The following UTP18 variants were observed in gnomAD, a reference collection of about 807,000 sequenced individuals.
UTP18 encodes the protein UTP18 small subunit processome component, also known as U3 small nucleolar RNA-associated protein 18 homolog.
Under a neutral mutation model 61.1 loss-of-function variants are expected in UTP18, and 36 were observed. The ratio of observed to expected loss-of-function variants is 0.59; its 90% CI spans 0.45 to 0.78. The LOEUF is 0.78. Among genes scored for constraint, UTP18 ranks in the 30% least tolerant of loss-of-function variants. UTP18 has a pLI of 0.00. For missense variants in UTP18, 753 were observed against 693.9 expected (o/e 1.09, Z -0.96); for synonymous variants, 282 against 251.1 (o/e 1.12, Z -1.16).
At chr17:51,272,681 T>G (rs1412005657) in intron 4 of UTP18, among the ~76,000 whole-genome samples, 1 of 152,242 alleles carries the variant, frequency 6.6e-6, no homozygotes, top group Non-Finnish European at 1.5e-5. Context: ...ATTTCAGTTT[T>G]GGGAAGATTT....
At chr17:51,262,493 T>C (rs1480512176) in intron 1 of UTP18, among the ~76,000 whole-genome samples, 1 of 152,214 alleles carries the variant, frequency 6.6e-6, no homozygotes, top group African/African-American at 2.4e-5. Context: ...TCTAACTTTG[T>C]CACCCAGACT....
chr17:51,286,686 G>A (rs192206088), intron 10 of UTP18: 1 of 394,762 alleles, frequency 2.5e-6, no homozygotes, highest in East Asian at 7.3e-5. Flanking sequence ...TGCCAACCCT[G>A]TAGCGAGGGA....
At chr17:51,264,926 G>C (rs973645640) in intron 2 of UTP18, among the ~76,000 whole-genome samples, 1 of 152,036 alleles carries the variant, frequency 6.6e-6, no homozygotes, top group African/African-American at 2.4e-5. Context: ...CAAGTGACCT[G>C]TTTGCCTCGG....
At chr17:51,265,720 C>T (rs576534918) in intron 2 of UTP18, among the ~76,000 whole-genome samples, 14 of 151,820 alleles carry the variant, frequency 9.2e-5, no homozygotes, top group Middle Eastern at 6.9e-3. Flanking sequence ...TGTGCCACCC[C>T]GCCCAGCTAA....
Position 51,288,074 on chromosome 17 carries a change from C to G in UTP18, c.1374C>G (p.Leu458=). 1 of 1,605,660 alleles carries G rather than the reference C, an allele frequency of 6.2e-7. No individual in the cohort carries two copies. The highest frequency in any genetic ancestry group is 1.1e-5 in the South Asian group (1 of 88,660). Residue 458 remains leucine, a synonymous_variant, in exon 11 of 14, where the codon CTC becomes CTG. Transcript: ENST00000225298. ...ATATATACAATCAAGATTCTTGTCT[C>G]CAAGAAACAAACCCAAAGCCAATAA... is the stretch of plus-strand genomic sequence containing the variant. ...VVNIYNQDSC[L]QETNPKPIKA...
intron 4 of UTP18, 66 bp from the exon 5 acceptor site, chr17:51,273,296 T>A: frequency 8.4e-7 from 1 of 1,189,388 alleles, no homozygotes; most frequent in Non-Finnish European, 1.2e-6. Flanking sequence ...TCATAGAAGT[T>A]TGGGGTAGGT....
rs545022503 is a variant in UTP18 at position 51,279,042 on chromosome 17, A to AT, written c.1013-958dup. Among the ~76,000 whole-genome samples, 6 of 152,312 alleles carry AT rather than the reference A, an allele frequency of 3.9e-5. No homozygotes were observed. The East Asian group carries it at 9.6e-4, about 24-fold the overall frequency. On this transcript the variant is annotated intron_variant, in intron 7 of 13. Transcript: ENST00000225298. ...TAGTGGAACAAGGGTCCTTAACCAG[A>AT]TTTTTGTAACTCCTTTTTCTCTAAT...
chr17:51,279,349 G>C (rs1904835250), intron 7 of UTP18, among the ~76,000 whole-genome samples: 1 of 152,108 alleles, frequency 6.6e-6, no homozygotes, highest in Non-Finnish European at 1.5e-5. Flanking sequence ...GAACCTTTCA[G>C]TCATGGAAAA....
chr17:51,261,224 T>C (rs1398789587), intron 1 of UTP18, among the ~76,000 whole-genome samples: 2 of 152,236 alleles, frequency 1.3e-5, no homozygotes, highest in Non-Finnish European at 2.9e-5. Flanking sequence ...TCGACTCCGC[T>C]AGCCTCTTCC....
intron 8 of UTP18, 120 bp from the exon 9 acceptor site, chr17:51,280,269 C>T (rs1597848991): frequency 7.6e-7 from 1 of 1,320,410 alleles, no homozygotes; most frequent in East Asian, 2.5e-5. Flanking sequence ...CTTTTGATTA[C>T]AGGGAAAAAT....
chr17:51,297,755 A>G (rs973563547), intron 13 of UTP18, 27 bp from the exon 14 acceptor site: 6 of 437,438 alleles, frequency 1.4e-5, no homozygotes, highest in East Asian at 7.9e-5. Context: ...TAAATCAGGT[A>G]TGTAATTTCT....
At chr17:51,281,510 AC>A (rs1172201859) in intron 9 of UTP18, among the ~76,000 whole-genome samples, 3 of 152,118 alleles carry the variant, frequency 2.0e-5, no homozygotes, top group Non-Finnish European at 4.4e-5. Flanking sequence ...ATTTATATTA[AC>A]ATTCTTGAAA....
In UTP18 at chr17:51,297,933, A is replaced by G. The variant is rs1905413032; in HGVS notation, c.*166A>G. ...AACATGTGGCAGCTTTTGTTTGAAA[A>G]TAAGTGTATCTGGTTCTTCCCTCCA... On this transcript the variant is annotated 3_prime_UTR_variant, in exon 14 of 14. Coordinates refer to ENST00000225298, the MANE Select transcript of UTP18 (RefSeq NM_016001.3). 3.3e-6 allele frequency: 1 copy of G among 298,868 alleles called. No individual in the cohort carries two copies. The highest frequency in any genetic ancestry group is 6.3e-6 in the Non-Finnish European group (1 of 159,392). 18.5% of individuals were successfully genotyped at this position (298,868 alleles called of 1,614,324 possible). A position where few individuals can be genotyped will look rare whatever the true frequency, so the allele number is the denominator to read the frequency against.
chr17:51,263,645 G>A (rs1485303126), intron 2 of UTP18, among the ~76,000 whole-genome samples: 1 of 152,112 alleles, frequency 6.6e-6, no homozygotes, highest in Non-Finnish European at 1.5e-5. Context: ...GTCAGATCTC[G>A]ATTTGCCTCC....
At chr17:51,280,252 G>A in intron 8 of UTP18, 137 bp from the exon 9 acceptor site, 1 of 1,290,278 alleles carries the variant, frequency 7.8e-7, no homozygotes, top group South Asian at 1.4e-5. Context: ...GGGCAGTTGG[G>A]GGAGAGCTTT....
At position 51,280,471 on chromosome 17, in the gene UTP18, C is replaced by T; in HGVS notation, c.1196C>T (p.Ala399Val). 2 of 1,613,894 alleles carry T rather than the reference C, an allele frequency of 1.2e-6. No individual in the cohort carries two copies. The highest frequency in any genetic ancestry group is 1.3e-5 in the African/African-American group (1 of 75,036). Residue 399 changes from alanine to valine, a missense_variant, in exon 9 of 14, where the codon GCC (alanine) becomes GTC (valine). Physicochemically the swap from Ala to Val is moderately conservative, Grantham distance 64 (BLOSUM62 0). Coordinates refer to ENST00000225298, the MANE Select transcript of UTP18 (RefSeq NM_016001.3). ...TCTTCAGATAGTAAGAAAGTATACGCCTCTTCGGGTAAGACAACGACATGA... is the reference window on the plus strand; with the variant it reads ...TCTTCAGATAGTAAGAAAGTATACGTCTCTTCGGGTAAGACAACGACATGA... ...TFSSDSKKVY[A>V]SSGDGEVYVW...
At chr17:51,275,244 T>C (rs1219091561) in intron 5 of UTP18, among the ~76,000 whole-genome samples, 1 of 147,668 alleles carries the variant, frequency 6.8e-6, no homozygotes, top group African/African-American at 2.5e-5. Context: ...TTTAACTTGG[T>C]GGTTACAAAC....
intron 4 of UTP18, among the ~76,000 whole-genome samples, chr17:51,269,507 C>T (rs1018418836): frequency 5.3e-5 from 8 of 151,796 alleles, no homozygotes; most frequent in African/African-American, 1.2e-4. Flanking sequence ...CCTGAGAGTC[C>T]GGAGTATATC....
At chr17:51,273,596 T>A (rs936966169) in intron 5 of UTP18, 146 bp downstream of exon 5, 1 of 509,616 alleles carries the variant, frequency 2.0e-6, no homozygotes, top group Non-Finnish European at 3.2e-6. Context: ...ACTTATGTTA[T>A]TGTTTTTTTT....
Sources: allele counts gnomAD v4.1 joint callset (sites outside exome capture counted in the v4.1 genomes callset), GRCh38; gene constraint gnomAD v4.1.1; transcripts MANE v1.5; gene names NCBI Gene and HGNC (gene_info 2026-07-23, HGNC 2026-07-21).